TAOK3: variants seen among roughly 807,000 people sequenced by gnomAD.
TAOK3 encodes the protein TAO kinase 3.
A neutral mutation model predicts 120.4 loss-of-function variants in TAOK3; 40 were observed. The observed-to-expected ratio is 0.33, with a 90% CI of 0.26 to 0.43. TAOK3 has a LOEUF of 0.43. TAOK3 is among the 20% of genes least tolerant of loss of function. The pLI is 1.00. For missense variants in TAOK3, 821 were observed against 1,112.1 expected (o/e 0.74, Z 3.72); for synonymous variants, 355 against 387.5 (o/e 0.92, Z 0.99).
chr12:118,183,419 T>C (rs918792385), intron 14 of TAOK3, among the ~76,000 whole-genome samples: 7 of 152,192 alleles, frequency 4.6e-5, no homozygotes, highest in African/African-American at 1.7e-4. Context: ...TTCTGAAGGA[T>C]AATACTCTTT....
At chr12:118,258,065 T>G (rs2041064649) in intron 2 of TAOK3, among the ~76,000 whole-genome samples, 1 of 152,168 alleles carries the variant, frequency 6.6e-6, no homozygotes, top group African/African-American at 2.4e-5. Flanking sequence ...GTTTTTGACT[T>G]AGATGTGAAA....
chr12:118,335,383 T>C (rs534090297), intron 1 of TAOK3, among the ~76,000 whole-genome samples: 24 of 152,190 alleles, frequency 1.6e-4, no homozygotes, highest in African/African-American at 5.1e-4. Flanking sequence ...TTAGAAGAAA[T>C]TGACCGATTT....
At chr12:118,194,484 A>G (rs963037923) in intron 13 of TAOK3, among the ~76,000 whole-genome samples, 1 of 152,126 alleles carries the variant, frequency 6.6e-6, no homozygotes, top group Non-Finnish European at 1.5e-5. Flanking sequence ...ATGTTAATTT[A>G]CTTTTACTTT....
chr12:118,228,227 C>G (rs2039601671), intron 9 of TAOK3, among the ~76,000 whole-genome samples: 1 of 150,742 alleles, frequency 6.6e-6, no homozygotes, highest in Non-Finnish European at 1.5e-5. Flanking sequence ...TCTTGGCTCA[C>G]TGCAACCTCC....
chr12:118,212,055 A>C (rs2038660777), intron 11 of TAOK3, among the ~76,000 whole-genome samples: 1 of 152,224 alleles, frequency 6.6e-6, no homozygotes, highest in Non-Finnish European at 1.5e-5. Flanking sequence ...GCTCACAAGA[A>C]GTAAAAACTT....
intron 14 of TAOK3, among the ~76,000 whole-genome samples, chr12:118,187,834 T>C (rs1406222824): frequency 6.6e-6 from 1 of 152,212 alleles, no homozygotes; most frequent in African/African-American, 2.4e-5. Context: ...AGCTGTTCTC[T>C]GGATGGGCAC....
chr12:118,208,026 G>C (rs997864774), intron 11 of TAOK3, among the ~76,000 whole-genome samples: 8 of 151,872 alleles, frequency 5.3e-5, no homozygotes, highest in Non-Finnish European at 1.2e-4. Context: ...AGTTACTTTA[G>C]TTCTTTTGTC....
chr12:118,180,576 G>T (rs953583212), intron 15 of TAOK3, among the ~76,000 whole-genome samples: 2 of 152,092 alleles, frequency 1.3e-5, no homozygotes, highest in Non-Finnish European at 2.9e-5. Context: ...AACGTGGATG[G>T]GGACGAGAGA....
intron 1 of TAOK3, among the ~76,000 whole-genome samples, chr12:118,282,359 G>A (rs1341493727): frequency 1.3e-5 from 2 of 152,184 alleles, no homozygotes; most frequent in Non-Finnish European, 2.9e-5. Flanking sequence ...AAGTTATAGA[G>A]AATTACCTTG....
chr12:118,203,220 T>A (rs2038121146), intron 11 of TAOK3, among the ~76,000 whole-genome samples: 1 of 152,098 alleles, frequency 6.6e-6, no homozygotes, highest in African/African-American at 2.4e-5. Context: ...GTTCAATTTA[T>A]CCAGAGGTCA....
intron 11 of TAOK3, among the ~76,000 whole-genome samples, chr12:118,201,956 T>C (rs898944398): frequency 3.3e-5 from 5 of 152,080 alleles, no homozygotes; most frequent in Admixed American, 2.0e-4. Flanking sequence ...TTGACTTTCA[T>C]CTTTCCATTC....
intron 2 of TAOK3, among the ~76,000 whole-genome samples, chr12:118,256,805 T>A (rs1046438404): frequency 1.3e-5 from 2 of 152,124 alleles, no homozygotes; most frequent in African/African-American, 2.4e-5. Flanking sequence ...CTTTTCAGGG[T>A]GATGAAAATG....
At chr12:118,336,374 G>T in intron 1 of TAOK3, among the ~76,000 whole-genome samples, 1 of 152,132 alleles carries the variant, frequency 6.6e-6, no homozygotes, top group East Asian at 1.9e-4. Context: ...TCAACAAATG[G>T]TGCTGGAGGA....
chr12:118,339,275 C>CTTTTTTTTTTT (rs72009582), intron 1 of TAOK3, among the ~76,000 whole-genome samples: 1 of 86,912 alleles, frequency 1.2e-5, no homozygotes, highest in African/African-American at 5.0e-5. Context: ...CTTCATCATA[C>CTTTTTTTTTTT]TTTTTTTTTT....
intron 1 of TAOK3, among the ~76,000 whole-genome samples, chr12:118,330,738 A>C (rs2044111005): frequency 6.6e-6 from 1 of 151,288 alleles, no homozygotes; most frequent in Non-Finnish European, 1.5e-5. Context: ...AGAAAAAGAA[A>C]GAAGGAAAGA....
chr12:118,324,734 C>CTTTTTT lies in TAOK3; in HGVS notation c.-194+47908_-194+47913dup, dbSNP rs35462737. Among the ~76,000 whole-genome samples the CTTTTTT allele has an allele frequency of 6.7e-4, 47 of 69,646 alleles. 3 individuals are homozygous for CTTTTTT. The highest frequency in any genetic ancestry group is 9.6e-4 in the East Asian group (2 of 2,094). The allele number at this position is 69,646 out of a possible 152,430, so 45.7% of individuals were successfully genotyped here. A position where few individuals can be genotyped will look rare whatever the true frequency, so the allele number is the denominator to read the frequency against. On this transcript the variant is annotated intron_variant, in intron 1 of 20. Coordinates refer to ENST00000392533, the MANE Select transcript of TAOK3 (RefSeq NM_016281.4). ...TTGTTGCAAAGGACAGAATTTCATT[C>CTTTTTT]TTTTTTTTTTTTTTTTTTTTTTTTT... is the stretch of plus-strand genomic sequence containing the variant.
intron 1 of TAOK3, among the ~76,000 whole-genome samples, chr12:118,347,299 C>T (rs1240459339): frequency 2.0e-5 from 3 of 152,178 alleles, no homozygotes; most frequent in African/African-American, 4.8e-5. Flanking sequence ...AGGTGTGAGC[C>T]ACAAGGCCCA....
chr12:118,248,176 C>A lies in TAOK3; in HGVS notation c.121-3211G>T, dbSNP rs77041263. Among the ~76,000 whole-genome samples the A allele has an allele frequency of 8.6e-3, 1,289 of 150,376 alleles. 12 individuals carry two copies. Among genetic ancestry groups the A allele is most frequent in the African/African-American group, 0.029 (1,187 of 40,948 alleles). On this transcript the variant is annotated intron_variant, in intron 3 of 20. Coordinates refer to ENST00000392533, the MANE Select transcript of TAOK3 (RefSeq NM_016281.4). ...AATGTAGTATGTACAAATAATTTGA[C>A]CACAGATTCTTATGGAATGTCAAAA...
At chr12:118,212,612 A>G (rs1268687032) in intron 11 of TAOK3, among the ~76,000 whole-genome samples, 1 of 152,212 alleles carries the variant, frequency 6.6e-6, no homozygotes, top group Non-Finnish European at 1.5e-5. Context: ...TAGGCCCAGG[A>G]ACATCACAAT....
Sources: gnomAD v4.1 joint callset for allele counts (sites outside exome capture counted in the v4.1 genomes callset) on GRCh38, gnomAD v4.1.1 for gene constraint, MANE v1.5 for transcripts, NCBI Gene and HGNC (gene_info 2026-07-23, HGNC 2026-07-21) for gene names.